COG5: variants seen among roughly 807,000 people sequenced by gnomAD.
COG5 encodes conserved oligomeric Golgi complex subunit 5.
A neutral mutation model predicts 110.4 loss-of-function variants in COG5; 86 were observed. The observed-to-expected ratio is 0.78, with a 90% CI of 0.65 to 0.93. The LOEUF is 0.93. Among genes scored for constraint, COG5 ranks in the 40% least tolerant of loss-of-function variants. COG5 has a pLI of 0.00. For synonymous variants in COG5, 360 were observed against 334.6 expected, an observed-to-expected ratio of 1.08 and a Z score of -0.83; for missense variants, 1,077 against 987.0, an observed-to-expected ratio of 1.09 and a Z score of -1.22.
chr7:107,295,550 C>T (rs1416178669), intron 12 of COG5, among the ~76,000 whole-genome samples: 1 of 152,028 alleles, frequency 6.6e-6, no homozygotes, highest in Non-Finnish European at 1.5e-5. Context: ...TTCTTTCTTA[C>T]ATCTCCCATC....
chr7:107,247,984 G>A (rs1802176420), intron 17 of COG5, among the ~76,000 whole-genome samples: 1 of 152,104 alleles, frequency 6.6e-6, no homozygotes, highest in South Asian at 2.1e-4. Flanking sequence ...GGAATACCAT[G>A]CCTATGCCAA....
chr7:107,311,843 TC>T (rs1352631968), intron 11 of COG5, among the ~76,000 whole-genome samples: 4 of 152,220 alleles, frequency 2.6e-5, no homozygotes, highest in African/African-American at 9.6e-5. Context: ...AAGGTTTTTT[TC>T]CATGCAAAAA....
intron 12 of COG5, among the ~76,000 whole-genome samples, chr7:107,295,623 T>G (rs1806675537): frequency 6.6e-6 from 1 of 152,188 alleles, no homozygotes; most frequent in African/African-American, 2.4e-5. Flanking sequence ...TTTGTGTCCT[T>G]GAACCCTCAA....
chr7:107,346,240 TAA>T (rs1230925492), intron 10 of COG5, among the ~76,000 whole-genome samples: 3 of 152,232 alleles, frequency 2.0e-5, no homozygotes, highest in African/African-American at 7.2e-5. Flanking sequence ...CTTCCCATTA[TAA>T]GTTTTCTTTC....
chr7:107,444,395 G>T lies in COG5; in HGVS notation c.539-31763C>A, dbSNP rs111731078. 6.6e-5 allele frequency among the ~76,000 whole-genome samples: 10 copies of T among 152,262 alleles called. 3 individuals are homozygous for T. Among genetic ancestry groups the T allele is most frequent in the African/African-American group, 2.4e-4 (10 of 41,566 alleles). ...TCAGAGCAATAATTAAAAGTAAAAAGTTAGCCATGAAAAGTTGCACAGGCC... is the reference window on the plus strand; with the variant it reads ...TCAGAGCAATAATTAAAAGTAAAAATTTAGCCATGAAAAGTTGCACAGGCC... On this transcript the variant is annotated intron_variant, in intron 6 of 21. Coordinates refer to ENST00000297135, the MANE Select transcript of COG5 (RefSeq NM_006348.5).
At chr7:107,561,799 A>G (rs145096681) in intron 1 of COG5, among the ~76,000 whole-genome samples, 7 of 152,186 alleles carry the variant, frequency 4.6e-5, no homozygotes, top group African/African-American at 1.7e-4. Context: ...ACACGGTGAA[A>G]CCCCGTCTCT....
chr7:107,260,154 T>TA (rs1212543764), intron 14 of COG5, among the ~76,000 whole-genome samples: 1 of 150,720 alleles, frequency 6.6e-6, no homozygotes, highest in Non-Finnish European at 1.5e-5. Context: ...CATTTATTCA[T>TA]AATAATAAGA....
chr7:107,326,085 G>A (rs1348398016), intron 10 of COG5, among the ~76,000 whole-genome samples: 3 of 152,068 alleles, frequency 2.0e-5, no homozygotes, highest in African/African-American at 7.2e-5. Flanking sequence ...TGCAGAAAAA[G>A]CATTAAACAA....
chr7:107,278,133 G>T (rs1000560120), intron 14 of COG5, among the ~76,000 whole-genome samples: 1 of 152,110 alleles, frequency 6.6e-6, no homozygotes. Context: ...ATTTCAGGTT[G>T]TATTTGCAAG....
rs1563012985 is a variant in COG5, at chr7:107,403,000, T to C, written c.669+9502A>G. On this transcript the variant is annotated intron_variant, in intron 7 of 21. Transcript: ENST00000297135. ...GTCATTTAGTTTATAAATCTGAAAA[T>C]AGACATTTTGCAATATGATAGTATT... 2.6e-5 allele frequency among the ~76,000 whole-genome samples: 4 copies of C among 152,176 alleles called. No individual in the cohort carries two copies. In the South Asian group the frequency reaches 8.3e-4, roughly 31 times the overall value.
intron 6 of COG5, among the ~76,000 whole-genome samples, chr7:107,423,812 C>CT (rs1411270073): frequency 1.3e-5 from 2 of 152,102 alleles, no homozygotes; most frequent in Non-Finnish European, 2.9e-5. Flanking sequence ...AAGATACACA[C>CT]TGATAATTTA....
intron 5 of COG5, among the ~76,000 whole-genome samples, chr7:107,531,375 T>C (rs929492370): frequency 6.6e-6 from 1 of 152,206 alleles, no homozygotes; most frequent in Non-Finnish European, 1.5e-5. Flanking sequence ...TTGTGTTGAG[T>C]ATCAGCCACT....
rs180779552 is a variant in COG5 at position 107,467,329 on chromosome 7, G to A, written c.539-54697C>T. 2.0e-5 allele frequency among the ~76,000 whole-genome samples: 3 copies of A among 152,164 alleles called. No individual in the cohort carries two copies. The East Asian group carries it at 5.8e-4, about 29-fold the overall frequency. ...GTGTGAGTGTTACTACGGAAACAAG[G>A]ATCTTCATAAATTGATAATCTGAAA... is the stretch of plus-strand genomic sequence containing the variant. On this transcript the variant is annotated intron_variant, in intron 6 of 21. Coordinates refer to ENST00000297135, the MANE Select transcript of COG5 (RefSeq NM_006348.5).
At chr7:107,211,320 C>T (rs1291640767) in intron 19 of COG5, 95 bp from the exon 20 acceptor site, 6 of 1,423,536 alleles carry the variant, frequency 4.2e-6, no homozygotes, top group Non-Finnish European at 5.9e-6. Flanking sequence ...AGCATTTTTC[C>T]TAGATTGGCT....
intron 16 of COG5, among the ~76,000 whole-genome samples, chr7:107,249,429 T>C (rs1000573901): frequency 6.6e-6 from 1 of 152,090 alleles, no homozygotes. Flanking sequence ...GAGGTATAAA[T>C]CATCATTTAC....
intron 6 of COG5, among the ~76,000 whole-genome samples, chr7:107,488,418 T>A (rs1797779689): frequency 6.6e-6 from 1 of 152,184 alleles, no homozygotes; most frequent in South Asian, 2.1e-4. Flanking sequence ...CAGGTCTTGT[T>A]TCTCTTGTGT....
intron 19 of COG5, among the ~76,000 whole-genome samples, chr7:107,217,049 T>C (rs60537774): frequency 6.6e-6 from 1 of 152,178 alleles, no homozygotes; most frequent in East Asian, 1.9e-4. Flanking sequence ...TTACAACTGG[T>C]ACCACTGAAA....
At chr7:107,374,216 AT>A (rs1814436676) in intron 7 of COG5, among the ~76,000 whole-genome samples, 1 of 152,086 alleles carries the variant, frequency 6.6e-6, no homozygotes, top group Admixed American at 6.6e-5. Flanking sequence ...GGGGTATAGC[AT>A]TTGCTTTTAC....
chr7:107,295,097 A>ATTTT (rs1562955833), intron 12 of COG5, among the ~76,000 whole-genome samples: 1 of 70,578 alleles, frequency 1.4e-5, no homozygotes, highest in Non-Finnish European at 2.6e-5. Flanking sequence ...ATATATATAT[A>ATTTT]TATATTTTTT....
Sources: allele counts gnomAD v4.1 joint callset (sites outside exome capture counted in the v4.1 genomes callset), GRCh38; gene constraint gnomAD v4.1.1; transcripts MANE v1.5; gene names NCBI Gene and HGNC (gene_info 2026-07-23, HGNC 2026-07-21).